Variants in AIG1 observed in about 807,000 individuals in gnomAD.
AIG1 encodes the protein androgen induced 1, also known as androgen-induced gene 1 protein.
In AIG1, 23 loss-of-function variants were observed where a neutral mutation model predicts 31.4. The observed-to-expected ratio is 0.73, with a 90% CI of 0.53 to 1.04. AIG1 has a LOEUF of 1.04. Ranked by LOEUF, AIG1 falls within the 50% of genes least tolerant of loss-of-function variation. The pLI is 0.00. For synonymous variants in AIG1, 100 were observed against 110.5 expected, an observed-to-expected ratio of 0.90 and a Z score of 0.60; for missense variants, 274 against 295.0, an observed-to-expected ratio of 0.93 and a Z score of 0.52.
At chr6:143,140,109 A>G (rs1000140379) in intron 2 of AIG1, among the ~76,000 whole-genome samples, 5 of 152,232 alleles carry the variant, frequency 3.3e-5, no homozygotes, top group South Asian at 2.1e-4. Context: ...CACGTCTTAC[A>G]TGGTGGCAAG....
chr6:143,236,812 A>G (rs1330928778), intron 3 of AIG1, among the ~76,000 whole-genome samples: 6 of 152,216 alleles, frequency 3.9e-5, no homozygotes, highest in Admixed American at 3.9e-4. Flanking sequence ...TCTAAACCAC[A>G]TGTATAAAAG....
chr6:143,071,577 G>A lies in AIG1; in HGVS notation c.141+10511G>A, dbSNP rs12055784. Among the ~76,000 whole-genome samples the A allele has an allele frequency of 2.4e-3, 369 of 152,194 alleles. 6 individuals carry two copies. In the East Asian group the frequency reaches 0.046, roughly 19 times the overall value. ...AGAAATATGTGACAGATAAAATTTA[G>A]CCCCATTCTTGCCAGTTATTTGATG... On this transcript the variant is annotated intron_variant, in intron 1 of 5. Transcript: ENST00000357847.
Position 143,219,287 on chromosome 6 carries a change from T to C in AIG1, c.399+54104T>C, listed in dbSNP as rs193055529. On this transcript the variant is annotated intron_variant, in intron 3 of 5. Coordinates refer to ENST00000357847, the MANE Select transcript of AIG1 (RefSeq NM_016108.4). ...TAGCTAATGACCTTCAGGCTCAGTT[T>C]GAGGCTCAGGTTCCTTATCTATAAA... 1.4e-4 allele frequency among the ~76,000 whole-genome samples: 22 copies of C among 152,274 alleles called. 2 individuals carry two copies. The highest frequency in any genetic ancestry group is 5.3e-4 in the African/African-American group (22 of 41,556).
chr6:143,185,844 T>G (rs1789210767), intron 3 of AIG1, among the ~76,000 whole-genome samples: 1 of 152,242 alleles, frequency 6.6e-6, no homozygotes, highest in Admixed American at 6.5e-5. Context: ...TAACACTTTC[T>G]GGAAAGGAAA....
At chr6:143,186,572 G>GA (rs1789275660) in intron 3 of AIG1, 1 of 152,218 alleles carries the variant, frequency 6.6e-6, no homozygotes, top group Non-Finnish European at 1.5e-5. Flanking sequence ...GGGATAAACA[G>GA]ACTGTTGTTA....
At chr6:143,337,356 T>C (rs1777575760) in intron 5 of AIG1, among the ~76,000 whole-genome samples, 1 of 152,022 alleles carries the variant, frequency 6.6e-6, no homozygotes, top group Non-Finnish European at 1.5e-5. Context: ...GCATCTACTG[T>C]GGAGGTTGAT....
chr6:143,299,622 G>A lies in AIG1; in HGVS notation c.515+15397G>A, dbSNP rs1011820230. 6.6e-6 allele frequency: 1 copy of A among 152,226 alleles called. No homozygotes were observed. Among genetic ancestry groups the A allele is most frequent in the Non-Finnish European group, 1.5e-5 (1 of 68,040 alleles). 9.4% of individuals were successfully genotyped at this position (152,226 alleles called of 1,614,324 possible). On this transcript the variant is annotated intron_variant, in intron 4 of 5. Coordinates refer to ENST00000357847, the MANE Select transcript of AIG1 (RefSeq NM_016108.4). This position sits in a 1 kb window ranked among gnomAD's most constrained non-coding sequence, Gnocchi z 4.1. ...GAAATGAGTAGCAGAGGGATTTCAAGCCACTGAGAGGGTCTGATTGAATTC... is the reference window on the plus strand; with the variant it reads ...GAAATGAGTAGCAGAGGGATTTCAAACCACTGAGAGGGTCTGATTGAATTC...
At chr6:143,086,210 C>A (rs1239787024) in intron 1 of AIG1, among the ~76,000 whole-genome samples, 2 of 152,202 alleles carry the variant, frequency 1.3e-5, no homozygotes, top group Non-Finnish European at 2.9e-5. Context: ...TTTCAGGCTA[C>A]ACCCTTGTTT....
Position 143,066,101 on chromosome 6 carries a change from T to C in AIG1, c.141+5035T>C, listed in dbSNP as rs1776675699. ...CTGGGAGCCTGTAAGAAATGTGGCATCTCCAGCTCCACCCCAGAGCTTCTG... is the reference window on the plus strand; with the variant it reads ...CTGGGAGCCTGTAAGAAATGTGGCACCTCCAGCTCCACCCCAGAGCTTCTG... On this transcript the variant is annotated intron_variant, in intron 1 of 5. Coordinates refer to ENST00000357847, the MANE Select transcript of AIG1 (RefSeq NM_016108.4). Among the ~76,000 whole-genome samples, 6 of 152,196 alleles carry C rather than the reference T, an allele frequency of 3.9e-5. No homozygotes were observed. The South Asian group carries it at 1.2e-3, about 32-fold the overall frequency.
chr6:143,321,721 C>CT (rs1395461804), intron 4 of AIG1, among the ~76,000 whole-genome samples: 1 of 152,066 alleles, frequency 6.6e-6, no homozygotes, highest in Non-Finnish European at 1.5e-5. Context: ...GGAGTTTCTG[C>CT]TTTTTTAATA....
intron 1 of AIG1, among the ~76,000 whole-genome samples, chr6:143,068,538 A>G (rs1396392042): frequency 1.3e-5 from 2 of 152,278 alleles, no homozygotes; most frequent in East Asian, 3.8e-4. Context: ...AAGTCAGACA[A>G]TGCATTAGTG....
At chr6:143,336,539 C>G (rs1161999368) in intron 5 of AIG1, among the ~76,000 whole-genome samples, 1 of 152,128 alleles carries the variant, frequency 6.6e-6, no homozygotes, top group Non-Finnish European at 1.5e-5. Flanking sequence ...ATACTTATCT[C>G]CAAGTAAAGT....
At chr6:143,111,260 C>G (rs1465705210) in intron 1 of AIG1, among the ~76,000 whole-genome samples, 1 of 152,184 alleles carries the variant, frequency 6.6e-6, no homozygotes, top group Admixed American at 6.5e-5. Flanking sequence ...GCCCCTGACT[C>G]CTGACATCCA....
intron 3 of AIG1, chr6:143,188,348 T>C (rs1181252725): frequency 1.0e-6 from 1 of 985,476 alleles, no homozygotes; most frequent in Non-Finnish European, 1.2e-6. Context: ...GCGATGTATT[T>C]ATGTTGCTGC....
intron 1 of AIG1, among the ~76,000 whole-genome samples, chr6:143,116,073 A>G (rs1441537257): frequency 1.3e-5 from 2 of 152,204 alleles, no homozygotes; most frequent in East Asian, 3.8e-4. Flanking sequence ...TCTAGACAGG[A>G]AGTGTTTACC....
intron 1 of AIG1, among the ~76,000 whole-genome samples, chr6:143,074,018 C>T (rs1430615393): frequency 6.6e-6 from 1 of 152,118 alleles, no homozygotes; most frequent in Non-Finnish European, 1.5e-5. Flanking sequence ...TTTTCATAGA[C>T]CTGTTGGTGA....
intron 3 of AIG1, among the ~76,000 whole-genome samples, chr6:143,254,822 T>C (rs1795265559): frequency 6.6e-6 from 1 of 152,116 alleles, no homozygotes; most frequent in Non-Finnish European, 1.5e-5. Flanking sequence ...GAGACCAGCC[T>C]GGGCAACATG....
chr6:143,267,881 A>G (rs1306154910), intron 3 of AIG1, among the ~76,000 whole-genome samples: 1 of 152,108 alleles, frequency 6.6e-6, no homozygotes, highest in Admixed American at 6.5e-5. Flanking sequence ...CAGAATGGAG[A>G]CCTGCCTCCT....
At chr6:143,070,185 A>G (rs945590884) in intron 1 of AIG1, among the ~76,000 whole-genome samples, 3 of 152,256 alleles carry the variant, frequency 2.0e-5, no homozygotes, top group Non-Finnish European at 4.4e-5. Context: ...AATTTAGAAT[A>G]ATCTTGTTAA....
Sources: allele counts gnomAD v4.1 joint callset (sites outside exome capture counted in the v4.1 genomes callset), GRCh38; gene constraint gnomAD v4.1.1; non-coding constraint Gnocchi (gnomAD v3.1); transcripts MANE v1.5; gene names NCBI Gene and HGNC (gene_info 2026-07-23, HGNC 2026-07-21).